ZFHX3: variants seen among roughly 807,000 people sequenced by gnomAD.
ZFHX3 encodes zinc finger homeobox 3.
In ZFHX3, 42 loss-of-function variants were observed where a neutral mutation model predicts 279.1. The observed-to-expected ratio is 0.15, with a 90% CI of 0.12 to 0.19. The LOEUF (loss-of-function observed/expected upper bound fraction) is 0.19, where lower values mean the gene tolerates loss of function less well. ZFHX3 is among the 10% of genes least tolerant of loss of function. The pLI is 1.00. For synonymous variants in ZFHX3, 2,293 were observed against 1,957.8 expected (o/e 1.17, Z -4.52); for missense variants, 4,981 against 4,754.0 (o/e 1.05, Z -1.40).
chr16:73,251,708 C>T (rs2013494790), intron 5 of ZFHX3, among the ~76,000 whole-genome samples: 1 of 128,376 alleles, frequency 7.8e-6, no homozygotes, highest in Non-Finnish European at 1.8e-5. Flanking sequence ...CATGCACACA[C>T]ACATACACAC....
intron 1 of ZFHX3, among the ~76,000 whole-genome samples, chr16:73,761,292 C>G (rs1276141509): frequency 6.6e-6 from 1 of 152,024 alleles, no homozygotes; most frequent in Non-Finnish European, 1.5e-5. Context: ...AGTGAAGGAC[C>G]TCTTCAAGGA....
chr16:73,008,907 T>C (rs1024152045), intron 1 of ZFHX3, among the ~76,000 whole-genome samples: 7 of 93,624 alleles, frequency 7.5e-5, no homozygotes, highest in African/African-American at 2.8e-4. Context: ...AAATAAAGTA[T>C]ATACGTGTGT....
intron 2 of ZFHX3, chr16:73,543,865 G>GGAGA (rs1051817746): frequency 5.0e-5 from 7 of 141,018 alleles, no homozygotes; most frequent in African/African-American, 1.9e-4. Context: ...AGAGAGAGAG[G>GGAGA]GAGAGAGAGA....
rs138950941 is a variant in ZFHX3, at chr16:73,410,258, A to G, written c.-1291+45745T>C. Among the ~76,000 whole-genome samples, 19 of 152,254 alleles carry G rather than the reference A, an allele frequency of 1.2e-4. No homozygotes were observed. In the East Asian group the frequency reaches 3.7e-3, roughly 29 times the overall value. On this transcript the variant is annotated intron_variant, in intron 3 of 17. Coordinates refer to the ZFHX3 transcript ENST00000641206. ...TGGTGAAACCCCATCTCTACTAAAA[A>G]TACAAAAATTAGCTAGGCGTGGTAG...
chr16:73,654,724 A>G lies in ZFHX3; in HGVS notation c.-1547+25456T>C, dbSNP rs184650649. Reference sequence around the variant, plus strand: ...TAAAGGAGAAAACATAATTATTTCAATAAGAGGCAAAAAATTGATAAATGT... The same window carrying G: ...TAAAGGAGAAAACATAATTATTTCAGTAAGAGGCAAAAAATTGATAAATGT... On this transcript the variant is annotated intron_variant, in intron 2 of 17. Transcript: ENST00000641206. Among the ~76,000 whole-genome samples the G allele has an allele frequency of 2.3e-3, 350 of 152,236 alleles. 3 individuals carry two copies. Among genetic ancestry groups the G allele is most frequent in the Non-Finnish European group, 4.0e-3 (271 of 68,012 alleles).
intron 2 of ZFHX3, among the ~76,000 whole-genome samples, chr16:73,652,134 C>T (rs1205441452): frequency 6.6e-6 from 1 of 151,924 alleles, no homozygotes; most frequent in Non-Finnish European, 1.5e-5. Context: ...GTAATTGAGT[C>T]TTTTCTGGGA....
chr16:73,425,518 T>A (rs919155823), intron 3 of ZFHX3, among the ~76,000 whole-genome samples: 1 of 152,160 alleles, frequency 6.6e-6, no homozygotes. Flanking sequence ...CAAGGCCTTA[T>A]GGCTGGTATG....
intron 4 of ZFHX3, among the ~76,000 whole-genome samples, chr16:73,290,197 C>T (rs1423861886): frequency 1.3e-5 from 2 of 152,148 alleles, no homozygotes; most frequent in Admixed American, 1.3e-4. Flanking sequence ...CTGTGCCTTC[C>T]CTGATGGAGA....
intron 5 of ZFHX3, among the ~76,000 whole-genome samples, chr16:73,182,720 ATCATG>A (rs1445426728): frequency 6.6e-6 from 1 of 152,242 alleles, no homozygotes; most frequent in Non-Finnish European, 1.5e-5. Context: ...GAAGAATGAA[ATCATG>A]TCTTTTGCAG....
intron 3 of ZFHX3, among the ~76,000 whole-genome samples, chr16:73,431,683 A>T (rs2017914615): frequency 6.6e-6 from 1 of 152,232 alleles, no homozygotes. Flanking sequence ...AATATCTTTT[A>T]TATACAATTC....
At chr16:73,160,775 T>C (rs188887010) in intron 5 of ZFHX3, among the ~76,000 whole-genome samples, 3,585 of 149,102 alleles carry the variant, frequency 0.024, 141 homozygotes, top group African/African-American at 0.083. Context: ...TTCTCTTCTT[T>C]TTTTTTTTTT....
intron 1 of ZFHX3, among the ~76,000 whole-genome samples, chr16:73,842,759 G>A (rs1283699935): frequency 2.6e-5 from 4 of 152,218 alleles, no homozygotes; most frequent in East Asian, 1.9e-4. Context: ...TAGGGGCTGC[G>A]CAACCACCAG....
At chr16:73,808,068 AAT>A (rs1404817756) in intron 1 of ZFHX3, among the ~76,000 whole-genome samples, 1 of 152,128 alleles carries the variant, frequency 6.6e-6, no homozygotes, top group Non-Finnish European at 1.5e-5. Context: ...CCTAACTCTC[AAT>A]ATTAAACTTT....
intron 5 of ZFHX3, among the ~76,000 whole-genome samples, chr16:73,219,926 A>G (rs2012352912): frequency 6.6e-6 from 1 of 152,104 alleles, no homozygotes; most frequent in Admixed American, 6.5e-5. Context: ...TCTCTACCAA[A>G]AATACAAAAA....
chr16:73,286,510 C>T lies in ZFHX3; in HGVS notation c.-1193-29374G>A, dbSNP rs140269696. Among the ~76,000 whole-genome samples, 60 of 152,220 alleles carry T rather than the reference C, an allele frequency of 3.9e-4. 1 individual carries two copies. In the East Asian group the frequency reaches 0.011, roughly 27 times the overall value. On this transcript the variant is annotated intron_variant, in intron 4 of 17. Coordinates refer to the ZFHX3 transcript ENST00000641206. ...GGAAGAGTGTTCCAGACCCCGGTCT[C>T]CTTGGTAAGGCTGTGTGGGTCGGTG... is the stretch of plus-strand genomic sequence containing the variant.
intron 3 of ZFHX3, among the ~76,000 whole-genome samples, chr16:72,922,310 T>G (rs2039605095): frequency 6.6e-6 from 1 of 152,076 alleles, no homozygotes; most frequent in African/African-American, 2.4e-5. Context: ...TAACCCTCCA[T>G]CCTCTCCTAA....
chr16:73,796,934 G>T (rs1960008665), intron 1 of ZFHX3, among the ~76,000 whole-genome samples: 1 of 152,164 alleles, frequency 6.6e-6, no homozygotes, highest in Non-Finnish European at 1.5e-5. Flanking sequence ...GAGTGCAGTG[G>T]CTCACGCCTG....
intron 2 of ZFHX3, among the ~76,000 whole-genome samples, chr16:73,528,765 A>C (rs1436482123): frequency 6.6e-6 from 1 of 152,232 alleles, no homozygotes; most frequent in Admixed American, 6.5e-5. Context: ...CATTTGAAGC[A>C]CAGTATCAGG....
intron 3 of ZFHX3, among the ~76,000 whole-genome samples, chr16:73,352,961 C>A (rs2016275003): frequency 6.6e-6 from 1 of 152,118 alleles, no homozygotes; most frequent in Non-Finnish European, 1.5e-5. Flanking sequence ...CCAGAAGCCT[C>A]ATGGTCCAGG....
Sources: allele counts gnomAD v4.1 joint callset (sites outside exome capture counted in the v4.1 genomes callset), GRCh38; gene constraint gnomAD v4.1.1; transcripts MANE v1.5; gene names NCBI Gene and HGNC (gene_info 2026-07-23, HGNC 2026-07-21).